LAMA3: variants seen among roughly 807,000 people sequenced by gnomAD.
The protein encoded by LAMA3 is laminin subunit alpha 3.
LAMA3 carries 281 observed loss-of-function variants against 402.0 expected under a neutral mutation model. That is an observed-to-expected ratio of 0.70 (90% confidence interval 0.63 to 0.77). LAMA3 has a LOEUF of 0.77. Ranked by LOEUF, LAMA3 falls within the 30% of genes least tolerant of loss-of-function variation. The pLI, the probability that LAMA3 is intolerant of heterozygous loss-of-function variation, is 0.00. For missense variants in LAMA3, 3,840 were observed against 4,215.5 expected (o/e 0.91, Z 2.47); for synonymous variants, 1,431 against 1,558.4 (o/e 0.92, Z 1.93).
At position 23,949,413 on chromosome 18, in the gene LAMA3, TCCATCTGTGAGGA is replaced by T. The variant is rs544915992; in HGVS notation, c.9352-348_9352-336del. ...AGGTGGAAATTTCCCTTGTTGCTGC[TCCATCTGTGAGGA>T]CCAGGGTCAGGTCAACCTTCCCTGT... On this transcript the variant is annotated intron_variant, in intron 70 of 74. Coordinates refer to ENST00000313654, the MANE Select transcript of LAMA3 (RefSeq NM_198129.4). Among the ~76,000 whole-genome samples the T allele has an allele frequency of 7.6e-4, 115 of 152,246 alleles. 3 individuals carry two copies. The South Asian group carries it at 0.023, about 31-fold the overall frequency.
intron 6 of LAMA3, among the ~76,000 whole-genome samples, chr18:23,754,767 G>T (rs2061813858): frequency 6.6e-6 from 1 of 152,192 alleles, no homozygotes; most frequent in Admixed American, 6.5e-5. Flanking sequence ...TAAAGGGCTG[G>T]AAATTACCGG....
chr18:23,804,398 A>G (rs2062923404), intron 12 of LAMA3, among the ~76,000 whole-genome samples: 1 of 152,228 alleles, frequency 6.6e-6, no homozygotes, highest in Non-Finnish European at 1.5e-5. Context: ...CTGGACCCTT[A>G]GAAATTTAAC....
chr18:23,825,223 C>G (rs753080578), intron 21 of LAMA3, among the ~76,000 whole-genome samples: 1 of 152,182 alleles, frequency 6.6e-6, no homozygotes, highest in Non-Finnish European at 1.5e-5. Context: ...CTGCAAACAC[C>G]TAATAGAATA....
intron 32 of LAMA3, among the ~76,000 whole-genome samples, chr18:23,851,344 C>T (rs769923998): frequency 6.6e-6 from 1 of 152,210 alleles, no homozygotes; most frequent in Non-Finnish European, 1.5e-5. Context: ...CTTCTCTGGC[C>T]ATTTCACTGG....
intron 3 of LAMA3, 90 bp downstream of exon 3, chr18:23,748,150 T>C: frequency 1.1e-6 from 1 of 894,446 alleles, no homozygotes; most frequent in Admixed American, 1.7e-5. Context: ...TAATCTTGGC[T>C]GGGTGTGGTG....
At chr18:23,854,754 G>A (rs2064029188) in intron 32 of LAMA3, among the ~76,000 whole-genome samples, 1 of 151,478 alleles carries the variant, frequency 6.6e-6, no homozygotes, top group Admixed American at 6.6e-5. Flanking sequence ...GGAGGCCAAG[G>A]AGGCGGATCA....
chr18:23,836,106 T>TACACACACAC (rs10569981), intron 24 of LAMA3, among the ~76,000 whole-genome samples: 61 of 148,156 alleles, frequency 4.1e-4, no homozygotes, highest in African/African-American at 1.3e-3. Context: ...TTTTAATGGA[T>TACACACACAC]ACACACACAC....
At chr18:23,818,506 TA>T (rs1225782101) in intron 18 of LAMA3, among the ~76,000 whole-genome samples, 4 of 152,254 alleles carry the variant, frequency 2.6e-5, no homozygotes, top group African/African-American at 9.6e-5. Context: ...CCTTTTGTAC[TA>T]AATTCCCCCA....
rs200422355 is a variant in LAMA3 at position 23,847,464 on chromosome 18, C to T, written c.3932C>T (p.Pro1311Leu). ...TGGTATTTCTTTATCCCCTGGCCAG[C>T]GTGCAGCTGTGGTCGGCGCCTTTGT... ...TGHYGFPRCK[P>L]CSCGRRLCEE... Residue 1311 changes from proline to leucine, a missense_variant and splice_region_variant, in exon 32 of 75, where the codon CCG (proline) becomes CTG (leucine). Physicochemically the swap from Pro to Leu is moderately conservative, Grantham distance 98 (BLOSUM62 -3). Transcript: ENST00000313654. The T allele has an allele frequency of 2.0e-4, 330 of 1,611,220 alleles. No individual in the cohort carries two copies. Among genetic ancestry groups the T allele is most frequent in the African/African-American group, 1.7e-3 (130 of 75,060 alleles).
At chr18:23,796,418 T>A (rs979866362) in intron 12 of LAMA3, among the ~76,000 whole-genome samples, 1 of 152,080 alleles carries the variant, frequency 6.6e-6, no homozygotes, top group African/African-American at 2.4e-5. Context: ...GGTACCCCCA[T>A]GGTAAAATCA....
chr18:23,695,667 G>A (rs957509345), intron 1 of LAMA3, among the ~76,000 whole-genome samples: 1 of 151,388 alleles, frequency 6.6e-6, no homozygotes, highest in African/African-American at 2.4e-5. Context: ...GCATGGTGGC[G>A]TGTGCCTGTA....
chr18:23,754,404 A>G (rs1008031638), intron 6 of LAMA3, among the ~76,000 whole-genome samples: 2 of 152,172 alleles, frequency 1.3e-5, no homozygotes, highest in African/African-American at 4.8e-5. Flanking sequence ...ATCATACAGT[A>G]TTTGTCCTTT....
rs778909276 is a variant in LAMA3 at position 23,842,416 on chromosome 18, C to A, written c.3358C>A (p.Arg1120Ser). Residue 1120 changes from arginine to serine, a missense_variant, in exon 28 of 75, where the codon CGT (arginine) becomes AGT (serine). By Grantham distance (110) the Arg-to-Ser change is moderately radical. This residue lies in a region of LAMA3 where 2,109 missense variants were observed against 2,376.0 expected (regional missense o/e 0.89). Transcript: ENST00000313654. Reference protein sequence around the residue: ...APQNQVTLRGRVPHLGRYVFV... With the variant: ...APQNQVTLRGSVPHLGRYVFV... ...TTAGAATCAAGTGACCCTGAGAGGA[C>A]GTGTACCACACCTGGGCCGATACGT... The A allele has an allele frequency of 3.1e-6, 5 of 1,614,062 alleles. No homozygotes were observed. Among genetic ancestry groups the A allele is most frequent in the Non-Finnish European group, 4.2e-6 (5 of 1,180,020 alleles).
Position 23,908,438 on chromosome 18 carries a change from G to A in LAMA3, c.7015+503G>A, listed in dbSNP as rs550956124. On this transcript the variant is annotated intron_variant, in intron 54 of 74. Transcript: ENST00000313654. ...CCAGCTACTCGGGAGGCTGAGGCAG[G>A]AGAATGGCGTGATCCTGGGAGGTGG... 1.6e-3 allele frequency among the ~76,000 whole-genome samples: 245 copies of A among 150,950 alleles called. 1 individual carries two copies. Among genetic ancestry groups the A allele is most frequent in the African/African-American group, 5.7e-3 (234 of 40,988 alleles).
intron 2 of LAMA3, among the ~76,000 whole-genome samples, chr18:23,733,077 C>A (rs1411220635): frequency 6.6e-6 from 1 of 152,024 alleles, no homozygotes; most frequent in Non-Finnish European, 1.5e-5. Flanking sequence ...AGGTTTGGGA[C>A]TAATCAGCAG....
chr18:23,793,825 T>C (rs1297964926), intron 12 of LAMA3, among the ~76,000 whole-genome samples: 2 of 152,184 alleles, frequency 1.3e-5, no homozygotes, highest in Admixed American at 6.5e-5. Flanking sequence ...TCCCCAAGAC[T>C]GCTCCCTCCT....
At chr18:23,749,386 GATA>G in intron 3 of LAMA3, 39 bp from the exon 4 acceptor site, 1 of 997,646 alleles carries the variant, frequency 1.0e-6, no homozygotes, top group Non-Finnish European at 1.5e-6. Flanking sequence ...GCAACAAAAT[GATA>G]ATATTTTGTT....
chr18:23,923,767 C>A (rs1352751021), intron 62 of LAMA3, among the ~76,000 whole-genome samples: 2 of 152,096 alleles, frequency 1.3e-5, no homozygotes, highest in Non-Finnish European at 2.9e-5. Flanking sequence ...CAAGTTGAGG[C>A]AATAAGGAAC....
Position 23,837,024 on chromosome 18 carries a change from G to A in LAMA3, c.3028G>A (p.Ala1010Thr), listed in dbSNP as rs567376700. 1.5e-5 allele frequency: 24 copies of A among 1,614,002 alleles called. No homozygotes were observed. Among genetic ancestry groups the A allele is most frequent in the South Asian group, 1.3e-4 (12 of 91,060 alleles). ...TGTGATTGATCACATGAGCCGCATC[G>A]CCATGTATGAGCTATTGGCAGATGC... is the stretch of plus-strand genomic sequence containing the variant. ...SAVIDHMSRI[A>T]MYELLADADI... The change falls in exon 25 of 75, where the codon GCC becomes ACC. Residue 1010 changes from alanine to threonine, a missense_variant. Transcript: ENST00000313654.
Sources: gnomAD v4.1 joint callset for allele counts (sites outside exome capture counted in the v4.1 genomes callset) on GRCh38, gnomAD v4.1.1 for gene constraint, gnomAD v4.1.1 regional missense constraint, MANE v1.5 for transcripts, NCBI Gene and HGNC (gene_info 2026-07-23, HGNC 2026-07-21) for gene names.